RGS3: variants seen among roughly 807,000 people sequenced by gnomAD.
RGS3 encodes regulator of G-protein signalling 3.
In RGS3, 80 loss-of-function variants were observed where a neutral mutation model predicts 132.6. That is an observed-to-expected ratio of 0.60 (90% CI 0.50 to 0.73). The LOEUF is 0.73. Among genes scored for constraint, RGS3 ranks in the 30% least tolerant of loss-of-function variants. The probability of loss-of-function intolerance (pLI) is 0.00; values close to 1 mark genes in which losing one functional copy is unlikely to be tolerated. For missense variants in RGS3, 1,382 were observed against 1,530.8 expected (o/e 0.90, Z 1.62); for synonymous variants, 598 against 620.6 (o/e 0.96, Z 0.54).
In RGS3 at chr9:113,492,473, C is replaced by T. The variant is rs116349941; in HGVS notation, c.690-3313C>T. 4.7e-3 allele frequency among the ~76,000 whole-genome samples: 711 copies of T among 152,292 alleles called. 5 individuals carry two copies. Among genetic ancestry groups the T allele is most frequent in the African/African-American group, 0.016 (684 of 41,548 alleles). ...CTGTCTTGAACTGCTATTTAAATTC[C>T]TGGATGTTTGTGTTGTTTCCTTAAC... On this transcript the variant is annotated intron_variant, in intron 7 of 24. Coordinates refer to ENST00000350696, the Ensembl canonical transcript of RGS3.
intron 3 of RGS3, among the ~76,000 whole-genome samples, chr9:113,468,061 A>G (rs941220935): frequency 1.2e-4 from 19 of 152,160 alleles, no homozygotes; most frequent in Non-Finnish European, 1.6e-4. Flanking sequence ...ATGAAGTTCA[A>G]TTTACTTTAT....
chr9:113,514,996 C>T (rs1464281861), intron 15 of RGS3, among the ~76,000 whole-genome samples: 1 of 152,178 alleles, frequency 6.6e-6, no homozygotes, highest in Non-Finnish European at 1.5e-5. Flanking sequence ...CTCCCTGGCT[C>T]ACCCAGTGGT....
chr9:113,462,506 G>T (rs1393165059), intron 3 of RGS3, among the ~76,000 whole-genome samples: 1 of 152,212 alleles, frequency 6.6e-6, no homozygotes, highest in Non-Finnish European at 1.5e-5. Flanking sequence ...GGCAGATGTG[G>T]AGGCCAAGGA....
At chr9:113,541,270 C>T (rs774627977) in intron 19 of RGS3, 2 of 1,580,302 alleles carry the variant, frequency 1.3e-6, no homozygotes, top group South Asian at 1.2e-5. Context: ...AGTCAGGCAG[C>T]CCGGCCTGAG....
intron 1 of RGS3, among the ~76,000 whole-genome samples, chr9:113,453,853 T>G (rs1829310160): frequency 6.6e-6 from 1 of 151,472 alleles, no homozygotes; most frequent in African/African-American, 2.4e-5. Context: ...CTTTTTTTAT[T>G]TTTATTTTTA....
intron 20 of RGS3, chr9:113,589,877 G>A (rs564731675): frequency 3.9e-5 from 6 of 152,318 alleles, no homozygotes; most frequent in South Asian, 4.1e-4. Context: ...AATGGAAGCC[G>A]AGAGGCTAGG....
At chr9:113,527,036 C>T (rs990318335) in intron 17 of RGS3, among the ~76,000 whole-genome samples, 1 of 152,298 alleles carries the variant, frequency 6.6e-6, no homozygotes, top group Non-Finnish European at 1.5e-5. Context: ...CTGAGTGCTG[C>T]CCCCATTCCG....
At chr9:113,553,438 G>GT (rs1349224358) in intron 19 of RGS3, among the ~76,000 whole-genome samples, 9 of 4,012 alleles carry the variant, frequency 2.2e-3, no homozygotes, top group African/African-American at 5.3e-3. Context: ...GGGAAACTCT[G>GT]TTTAAAAAAA....
chr9:113,541,193 A>G (rs1832886763), intron 19 of RGS3: 1 of 938,910 alleles, frequency 1.1e-6, no homozygotes, highest in Non-Finnish European at 1.6e-6. Flanking sequence ...CACTGGGGCC[A>G]CTAGAGACAG....
intron 14 of RGS3, among the ~76,000 whole-genome samples, chr9:113,509,311 G>A (rs533301956): frequency 6.6e-6 from 1 of 151,706 alleles, no homozygotes; most frequent in East Asian, 1.9e-4. Context: ...CTGTCCCCTC[G>A]CTGAGCCTCA....
chr9:113,473,506 C>A (rs1829898884), intron 3 of RGS3, among the ~76,000 whole-genome samples: 1 of 152,170 alleles, frequency 6.6e-6, no homozygotes, highest in South Asian at 2.1e-4. Flanking sequence ...CCTCAGCCTC[C>A]TGAGTAGCTG....
intron 1 of RGS3, among the ~76,000 whole-genome samples, chr9:113,455,054 G>A (rs867801925): frequency 4.6e-5 from 7 of 152,024 alleles, no homozygotes; most frequent in Non-Finnish European, 7.4e-5. Flanking sequence ...TTGGCCTCCC[G>A]AACTTCTCAG....
At chr9:113,595,796 C>T (rs1190425968) in intron 24 of RGS3, 31 bp downstream of exon 22, 18 of 1,605,378 alleles carry the variant, frequency 1.1e-5, no homozygotes, top group Non-Finnish European at 1.4e-5. Flanking sequence ...CTCCGCTCCT[C>T]CAATCCCCAG....
rs141770316 is a variant in RGS3 at position 113,463,027 on chromosome 9, C to G, written c.415+826C>G. On this transcript the variant is annotated intron_variant, in intron 3 of 24. Transcript: ENST00000350696. This position sits in a 1 kb window ranked among gnomAD's most constrained non-coding sequence, Gnocchi z 4.6. ...GTTTGACCTTCCAGCTCTGCCTCCCCGCACCAGGCTGGGGGATTCACCCAC... is the reference window on the plus strand; with the variant it reads ...GTTTGACCTTCCAGCTCTGCCTCCCGGCACCAGGCTGGGGGATTCACCCAC... Among the ~76,000 whole-genome samples, 2 of 152,198 alleles carry G rather than the reference C, an allele frequency of 1.3e-5. No homozygotes were observed. The highest frequency in any genetic ancestry group is 4.8e-5 in the African/African-American group (2 of 41,442).
At chr9:113,491,489 G>C (rs921514612) in intron 7 of RGS3, among the ~76,000 whole-genome samples, 1 of 151,796 alleles carries the variant, frequency 6.6e-6, no homozygotes, top group Non-Finnish European at 1.5e-5. Context: ...GACCTCAGGT[G>C]ATCCACCCGC....
intron 19 of RGS3, among the ~76,000 whole-genome samples, chr9:113,544,419 T>G (rs1466264519): frequency 1.3e-5 from 2 of 152,138 alleles, no homozygotes; most frequent in Non-Finnish European, 2.9e-5. Flanking sequence ...ATTTGGGGGT[T>G]GGGACATTGC....
At chr9:113,552,883 A>G (rs1225317123) in intron 19 of RGS3, among the ~76,000 whole-genome samples, 2 of 152,214 alleles carry the variant, frequency 1.3e-5, no homozygotes, top group Non-Finnish European at 2.9e-5. Context: ...TTTAATTTAT[A>G]TTACAAATGA....
At chr9:113,558,167 A>G (rs1228948302) in intron 19 of RGS3, among the ~76,000 whole-genome samples, 1 of 152,198 alleles carries the variant, frequency 6.6e-6, no homozygotes, top group Non-Finnish European at 1.5e-5. Flanking sequence ...AAATTCTGTG[A>G]TTAATTGCAC....
At chr9:113,553,833 A>T (rs1296455810) in intron 19 of RGS3, among the ~76,000 whole-genome samples, 1 of 152,146 alleles carries the variant, frequency 6.6e-6, no homozygotes, top group Admixed American at 6.6e-5. Flanking sequence ...ACAAGAGAGA[A>T]ACTCCGTCTC....
Sources: allele counts gnomAD v4.1 joint callset (sites outside exome capture counted in the v4.1 genomes callset), GRCh38; gene constraint gnomAD v4.1.1; non-coding constraint Gnocchi (gnomAD v3.1); transcripts MANE v1.5; gene names NCBI Gene and HGNC (gene_info 2026-07-23, HGNC 2026-07-21).